PLEKHM3: variants seen among roughly 807,000 people sequenced by gnomAD.
PLEKHM3 encodes pleckstrin homology domain-containing family M member 3.
Under a neutral mutation model 81.8 loss-of-function variants are expected in PLEKHM3, and 45 were observed. That is an observed-to-expected ratio of 0.55 (90% confidence interval 0.43 to 0.71). The LOEUF (loss-of-function observed/expected upper bound fraction) is 0.71. Among genes scored for constraint, PLEKHM3 ranks in the 30% least tolerant of loss-of-function variants. The probability of loss-of-function intolerance (pLI) is 0.00; values close to 1 mark genes in which losing one functional copy is unlikely to be tolerated. For synonymous variants in PLEKHM3, 352 were observed against 356.4 expected (o/e 0.99, Z 0.14); for missense variants, 788 against 924.3 (o/e 0.85, Z 1.91).
At chr2:207,872,096 A>G (rs1010497137) in intron 6 of PLEKHM3, among the ~76,000 whole-genome samples, 1 of 152,204 alleles carries the variant, frequency 6.6e-6, no homozygotes, top group Admixed American at 6.5e-5. Flanking sequence ...CCAGCTAATT[A>G]GTGACAACTT....
At chr2:207,901,119 CCTT>C in intron 6 of PLEKHM3, 1 of 620,516 alleles carries the variant, frequency 1.6e-6, no homozygotes, top group Non-Finnish European at 2.9e-6. Context: ...CAACTGAGCT[CCTT>C]CTCACCTGGG....
At chr2:207,851,914 C>T (rs964145715) in intron 7 of PLEKHM3, among the ~76,000 whole-genome samples, 3 of 152,036 alleles carry the variant, frequency 2.0e-5, no homozygotes, top group Admixed American at 6.6e-5. Context: ...CCTTGCTGAA[C>T]CTGACCCGCC....
At position 207,868,278 on chromosome 2, in the gene PLEKHM3, T is replaced by A. The variant is rs865941406; in HGVS notation, c.1951-7016A>T. On this transcript the variant is annotated intron_variant, in intron 6 of 7. Coordinates refer to ENST00000427836, the MANE Select transcript of PLEKHM3 (RefSeq NM_001080475.3). The stretch of plus-strand genomic sequence containing the variant: ...AACTGGTCAAAGCTTATTATTATTT[T>A]TTTTTTTTAAATCTAAACATGGTAG... 2.4e-3 allele frequency among the ~76,000 whole-genome samples: 369 copies of A among 151,950 alleles called. 3 individuals are homozygous for A. The highest frequency in any genetic ancestry group is 8.4e-3 in the African/African-American group (346 of 41,388).
chr2:207,999,971 G>A (rs530896509), intron 2 of PLEKHM3, among the ~76,000 whole-genome samples: 2 of 152,324 alleles, frequency 1.3e-5, no homozygotes, highest in East Asian at 1.9e-4. Flanking sequence ...TACATTAAAG[G>A]ATGAGTAGGG....
chr2:207,949,321 G>A (rs112304613), intron 3 of PLEKHM3, among the ~76,000 whole-genome samples: 49,620 of 152,160 alleles, frequency 0.33, 8,259 homozygotes, highest in Middle Eastern at 0.43. Context: ...GCCAAGGCCG[G>A]TGGATTGCTT....
At chr2:207,863,316 C>T (rs1382179026) in intron 6 of PLEKHM3, among the ~76,000 whole-genome samples, 1 of 152,238 alleles carries the variant, frequency 6.6e-6, no homozygotes, top group African/African-American at 2.4e-5. Flanking sequence ...CATGAAAACC[C>T]CTCTGATGGC....
chr2:207,829,888 C>T (rs2092275574), intron 7 of PLEKHM3, among the ~76,000 whole-genome samples: 1 of 152,148 alleles, frequency 6.6e-6, no homozygotes, highest in Admixed American at 6.6e-5. Flanking sequence ...GGGGCATTAT[C>T]TCCTAGTCTG....
At chr2:207,852,733 T>C (rs1400856135) in intron 7 of PLEKHM3, 4 of 408,910 alleles carry the variant, frequency 9.8e-6, no homozygotes, top group Admixed American at 3.5e-5. Flanking sequence ...AAAACTTCCT[T>C]TGGGTACCCT....
At chr2:207,902,780 G>T (rs1688474379) in intron 6 of PLEKHM3, among the ~76,000 whole-genome samples, 1 of 151,848 alleles carries the variant, frequency 6.6e-6, no homozygotes, top group Non-Finnish European at 1.5e-5. Context: ...GATAGTATAT[G>T]TATGAACATA....
At chr2:207,908,921 C>T (rs1688715593) in intron 5 of PLEKHM3, among the ~76,000 whole-genome samples, 1 of 152,164 alleles carries the variant, frequency 6.6e-6, no homozygotes, top group Admixed American at 6.5e-5. Flanking sequence ...TCCCCACATG[C>T]CCACCTGGCT....
chr2:208,009,294 C>G (rs1692608421), intron 1 of PLEKHM3, among the ~76,000 whole-genome samples: 1 of 152,150 alleles, frequency 6.6e-6, no homozygotes, highest in Non-Finnish European at 1.5e-5. Context: ...CTCTTCCCAC[C>G]TCAACCTACT....
intron 6 of PLEKHM3, among the ~76,000 whole-genome samples, chr2:207,891,827 T>C (rs1419979914): frequency 1.3e-5 from 2 of 152,190 alleles, no homozygotes; most frequent in Non-Finnish European, 2.9e-5. Context: ...AGGATTGGGG[T>C]CCAGGATGGA....
chr2:207,964,228 C>A (rs1032333716), intron 3 of PLEKHM3, among the ~76,000 whole-genome samples: 5 of 151,702 alleles, frequency 3.3e-5, no homozygotes, highest in Middle Eastern at 3.4e-3. Context: ...AAAAAAAGAA[C>A]CTCCTATGGG....
At chr2:207,956,019 G>A (rs1341242387) in intron 3 of PLEKHM3, among the ~76,000 whole-genome samples, 1 of 152,128 alleles carries the variant, frequency 6.6e-6, no homozygotes, top group Non-Finnish European at 1.5e-5. Context: ...GAAGAGAAGA[G>A]ATTTTGGAAA....
intron 6 of PLEKHM3, among the ~76,000 whole-genome samples, chr2:207,891,669 A>G (rs1256242654): frequency 6.6e-6 from 1 of 152,222 alleles, no homozygotes; most frequent in Non-Finnish European, 1.5e-5. Flanking sequence ...TTTTCAGTTC[A>G]CAAATGCTCA....
intron 4 of PLEKHM3, among the ~76,000 whole-genome samples, chr2:207,934,048 C>T (rs1005672288): frequency 1.3e-5 from 2 of 152,096 alleles, no homozygotes; most frequent in Admixed American, 1.3e-4. Context: ...AATGACCCTC[C>T]ACACTGGCAT....
intron 2 of PLEKHM3, among the ~76,000 whole-genome samples, chr2:207,984,886 A>G (rs929514659): frequency 2.0e-5 from 3 of 151,284 alleles, no homozygotes; most frequent in Non-Finnish European, 4.4e-5. Flanking sequence ...AATTACTTCA[A>G]TGTTCCTGTT....
chr2:208,010,899 A>G (rs1482224616), intron 1 of PLEKHM3, among the ~76,000 whole-genome samples: 1 of 152,154 alleles, frequency 6.6e-6, no homozygotes, highest in African/African-American at 2.4e-5. Context: ...GTTTTTACAG[A>G]AAATAATCAT....
At position 207,881,048 on chromosome 2, in the gene PLEKHM3, CTTCTGAAT is replaced by C. The variant is rs370158127; in HGVS notation, c.1951-19794_1951-19787del. On this transcript the variant is annotated intron_variant, in intron 6 of 7. Transcript: ENST00000427836. ...AAACACTCTGAATATAGTAGATCCT[CTTCTGAAT>C]TTCTGAATTTATCTTAAATAGTCAG... 1.7e-4 allele frequency among the ~76,000 whole-genome samples: 26 copies of C among 151,710 alleles called. No homozygotes were observed. In the South Asian group the frequency reaches 5.4e-3, roughly 32 times the overall value.
Sources: gnomAD v4.1 joint callset for allele counts (sites outside exome capture counted in the v4.1 genomes callset) on GRCh38, gnomAD v4.1.1 for gene constraint, MANE v1.5 for transcripts, NCBI Gene and HGNC (gene_info 2026-07-23, HGNC 2026-07-21) for gene names.